The following SEMA3D variants were observed in gnomAD, a reference collection of about 807,000 sequenced individuals.
The protein encoded by SEMA3D is semaphorin-3D.
In SEMA3D, 84 loss-of-function variants were observed where a neutral mutation model predicts 100.1. That is an observed-to-expected ratio of 0.84 (90% CI 0.70 to 1.01). SEMA3D has a LOEUF of 1.01. Among genes scored for constraint, SEMA3D ranks in the 50% least tolerant of loss-of-function variants. SEMA3D has a pLI of 0.00. For missense variants in SEMA3D, 875 were observed against 934.1 expected (o/e 0.94, Z 0.82); for synonymous variants, 312 against 320.7 (o/e 0.97, Z 0.29).
chr7:85,089,960 C>T (rs1056230043), intron 4 of SEMA3D, among the ~76,000 whole-genome samples: 1 of 152,030 alleles, frequency 6.6e-6, no homozygotes. Flanking sequence ...TGCTAATATA[C>T]CATACAAATT....
chr7:85,124,568 A>G (rs1789514917), intron 2 of SEMA3D, among the ~76,000 whole-genome samples: 2 of 152,106 alleles, frequency 1.3e-5, no homozygotes, highest in Admixed American at 6.6e-5. Flanking sequence ...ATGATACGCT[A>G]TGCAAGATAA....
chr7:85,003,002 T>C (rs1030732462), intron 18 of SEMA3D, among the ~76,000 whole-genome samples: 7 of 152,056 alleles, frequency 4.6e-5, no homozygotes, highest in African/African-American at 1.7e-4. Context: ...AATATCCCCT[T>C]TCTCTAACAA....
the SEMA3D span, among the ~76,000 whole-genome samples, chr7:85,194,858 C>CGT: frequency 5.9e-5 from 9 of 152,110 alleles, no homozygotes; most frequent in East Asian, 3.9e-4. Context: ...CATCATCTTT[C>CGT]GTGTGTGTGT....
At chr7:85,162,186 A>G (rs1350875977) in intron 1 of SEMA3D, among the ~76,000 whole-genome samples, 1 of 152,132 alleles carries the variant, frequency 6.6e-6, no homozygotes, top group Non-Finnish European at 1.5e-5. Flanking sequence ...CTGAGCAGCC[A>G]AAGTCAAGTA....
intron 3 of SEMA3D, among the ~76,000 whole-genome samples, chr7:85,105,490 T>C (rs1788890578): frequency 6.6e-6 from 1 of 152,056 alleles, no homozygotes; most frequent in Non-Finnish European, 1.5e-5. Context: ...AAAATACCTA[T>C]GATTCTCCAC....
the SEMA3D span, among the ~76,000 whole-genome samples, chr7:85,247,120 T>A: frequency 6.6e-6 from 1 of 151,952 alleles, no homozygotes; most frequent in Admixed American, 6.6e-5. Flanking sequence ...TACTAAAAAT[T>A]TTCTGTTTCT....
chr7:85,132,808 A>G (rs1431502016), intron 2 of SEMA3D, among the ~76,000 whole-genome samples: 3 of 151,996 alleles, frequency 2.0e-5, no homozygotes, highest in African/African-American at 7.2e-5. Context: ...ACACTGTTTT[A>G]GAAACATTAT....
At chr7:85,058,888 A>AG (rs1791400396) in intron 8 of SEMA3D, among the ~76,000 whole-genome samples, 2 of 152,102 alleles carry the variant, frequency 1.3e-5, no homozygotes, top group Admixed American at 1.3e-4. Context: ...TGCAAAAAAA[A>AG]AGAAAACTAT....
chr7:85,202,580 G>A, the SEMA3D span, among the ~76,000 whole-genome samples: 7 of 151,868 alleles, frequency 4.6e-5, no homozygotes, highest in Non-Finnish European at 7.4e-5. Flanking sequence ...GAAAATTTTC[G>A]CAACCTACTC....
intron 2 of SEMA3D, among the ~76,000 whole-genome samples, chr7:85,148,582 A>T (rs538694635): frequency 1.3e-5 from 2 of 152,316 alleles, no homozygotes; most frequent in South Asian, 4.1e-4. Flanking sequence ...ACGAAAAATT[A>T]GTTCAAACCT....
At chr7:85,095,681 A>C (rs1032479152) in intron 4 of SEMA3D, among the ~76,000 whole-genome samples, 1 of 152,054 alleles carries the variant, frequency 6.6e-6, no homozygotes, top group African/African-American at 2.4e-5. Context: ...GGAATGGTGG[A>C]TACCTATATA....
chr7:85,125,203 T>C (rs2116414637), intron 2 of SEMA3D, among the ~76,000 whole-genome samples: 1 of 152,262 alleles, frequency 6.6e-6, no homozygotes, highest in Non-Finnish European at 1.5e-5. Context: ...AACGTGAATG[T>C]ATGTTTATAT....
At chr7:85,168,836 A>T (rs1261879720) in intron 1 of SEMA3D, among the ~76,000 whole-genome samples, 1 of 58,090 alleles carries the variant, frequency 1.7e-5, no homozygotes, top group African/African-American at 8.3e-5. Context: ...AAAGAAAGAA[A>T]GAAAGAAAGA....
chr7:85,197,204 T>C, the SEMA3D span, among the ~76,000 whole-genome samples: 104 of 152,304 alleles, frequency 6.8e-4, 2 homozygotes, highest in East Asian at 0.014. Flanking sequence ...TTAACATAGC[T>C]AGATCTTTTT....
chr7:85,113,775 A>G (rs553917200), intron 3 of SEMA3D, among the ~76,000 whole-genome samples: 140 of 432 alleles, frequency 0.32, 2 homozygotes, highest in African/African-American at 0.46. Context: ...GTCTCAAAAA[A>G]AGAAAAAAAA....
intron 11 of SEMA3D, among the ~76,000 whole-genome samples, chr7:85,037,535 G>A (rs10260131): frequency 0.25 from 37,910 of 151,844 alleles, 4,977 homozygotes; most frequent in Non-Finnish European, 0.3. Context: ...TAATCCTCTC[G>A]TTTGTTTTCT....
intron 1 of SEMA3D, among the ~76,000 whole-genome samples, chr7:85,172,761 T>A (rs1353793857): frequency 6.6e-6 from 1 of 152,062 alleles, no homozygotes. Flanking sequence ...TAGAGCAAGT[T>A]GAGCACTGGT....
At chr7:85,130,673 A>C (rs1789702348) in intron 2 of SEMA3D, among the ~76,000 whole-genome samples, 1 of 152,206 alleles carries the variant, frequency 6.6e-6, no homozygotes, top group Non-Finnish European at 1.5e-5. Context: ...CTATTGAGAA[A>C]GTTAAAAATA....
At chr7:85,096,574 A>G (rs975808343) in intron 4 of SEMA3D, among the ~76,000 whole-genome samples, 2 of 151,874 alleles carry the variant, frequency 1.3e-5, no homozygotes, top group African/African-American at 4.8e-5. Context: ...TAATTTCTTT[A>G]TTAAGTATGA....
Sources: allele counts gnomAD v4.1 joint callset (sites outside exome capture counted in the v4.1 genomes callset), GRCh38; gene constraint gnomAD v4.1.1; transcripts MANE v1.5; gene names NCBI Gene and HGNC (gene_info 2026-07-23, HGNC 2026-07-21).